Variants in SPTB observed in about 807,000 individuals in gnomAD.
The protein encoded by SPTB is spectrin beta, erythrocytic, also known as spectrin beta chain, erythrocytic.
Under a neutral mutation model 256.2 loss-of-function variants are expected in SPTB, and 45 were observed. That is an observed-to-expected ratio of 0.18 (90% CI 0.14 to 0.23). The LOEUF (loss-of-function observed/expected upper bound fraction) is 0.23, where lower values mean the gene tolerates loss of function less well. Ranked by LOEUF, SPTB falls within the 10% of genes least tolerant of loss-of-function variation. The pLI, the probability that SPTB is intolerant of heterozygous loss-of-function variation, is 1.00. For synonymous variants in SPTB, 1,231 were observed against 1,243.1 expected, an observed-to-expected ratio of 0.99 and a Z score of 0.21; for missense variants, 2,715 against 3,040.4, an observed-to-expected ratio of 0.89 and a Z score of 2.52.
chr14:64,793,517 C>T lies in SPTB; in HGVS notation c.2146G>A (p.Ala716Thr). 1.2e-6 allele frequency: 2 copies of T among 1,614,172 alleles called. No homozygotes were observed. Among genetic ancestry groups the T allele is most frequent in the Non-Finnish European group, 1.7e-6 (2 of 1,180,050 alleles). Residue 716 changes from alanine to threonine, a missense_variant, in exon 14 of 36, where the codon GCC becomes ACC. Transcript: ENST00000644917. This position sits in a 1 kb window ranked among gnomAD's most constrained non-coding sequence, Gnocchi z 7.0. ...TGTGCCGACACCTCCTTTATGCGGGCCTCGATCTGCGGGTGCCCAAACTGC... is the reference window on the plus strand; with the variant it reads ...TGTGCCGACACCTCCTTTATGCGGGTCTCGATCTGCGGGTGCCCAAACTGC... ...RKQFGHPQIEARIKEVSAQWD... is the reference protein window; with the variant it reads ...RKQFGHPQIETRIKEVSAQWD...
intron 1 of SPTB, among the ~76,000 whole-genome samples, chr14:64,838,021 T>C (rs902246990): frequency 6.6e-6 from 1 of 152,188 alleles, no homozygotes; most frequent in Non-Finnish European, 1.5e-5. Context: ...ATTTCAAGAC[T>C]TACCACAAAG....
chr14:64,828,528 A>T (rs756065097), intron 1 of SPTB, among the ~76,000 whole-genome samples: 2 of 152,206 alleles, frequency 1.3e-5, no homozygotes, highest in Non-Finnish European at 2.9e-5. Flanking sequence ...TACAAAAGTA[A>T]TTGTGGGTTT....
In SPTB at chr14:64,792,753, T is replaced by C. The variant is rs561056828; in HGVS notation, c.2666+244A>G. On this transcript the variant is annotated intron_variant, in intron 14 of 35. Coordinates refer to ENST00000644917, the MANE Select transcript of SPTB (RefSeq NM_001355436.2). This position sits in a 1 kb window ranked among gnomAD's most constrained non-coding sequence, Gnocchi z 4.2. ...AAAGACTGCTATTGCTGAAAAGTAA[T>C]TGAATAACTGGACTAGATAAATTCC... is the stretch of plus-strand genomic sequence containing the variant. Among the ~76,000 whole-genome samples, 4 of 152,282 alleles carry C rather than the reference T, an allele frequency of 2.6e-5. No individual in the cohort carries two copies. Among genetic ancestry groups the C allele is most frequent in the East Asian group, 1.9e-4 (1 of 5,182 alleles).
Position 64,830,684 on chromosome 14 carries a change from G to A in SPTB, c.-51-7539C>T, listed in dbSNP as rs150754604. ...CTTCCCACTTGGTCCATCTCTGTCCGTGCTCAGCCCCTTCACAGTCCCTCC... is the reference window on the plus strand; with the variant it reads ...CTTCCCACTTGGTCCATCTCTGTCCATGCTCAGCCCCTTCACAGTCCCTCC... On this transcript the variant is annotated intron_variant, in intron 1 of 35. Coordinates refer to ENST00000644917, the MANE Select transcript of SPTB (RefSeq NM_001355436.2). Among the ~76,000 whole-genome samples, 528 of 151,994 alleles carry A rather than the reference G, an allele frequency of 3.5e-3. 3 individuals are homozygous for A. Among genetic ancestry groups the A allele is most frequent in the African/African-American group, 0.011 (475 of 41,412 alleles).
intron 1 of SPTB, among the ~76,000 whole-genome samples, chr14:64,859,708 CTCTCTCTCTCTCTATATA>C (rs903809627): frequency 1.1e-4 from 3 of 28,522 alleles, no homozygotes; most frequent in Non-Finnish European, 7.5e-4. Flanking sequence ...CTCTCTCTCT[CTCTCTCTCTCTCTATATA>C]TATATATATA....
At chr14:64,771,466 A>T (rs1323964078) in intron 26 of SPTB, among the ~76,000 whole-genome samples, 1 of 152,158 alleles carries the variant, frequency 6.6e-6, no homozygotes, top group African/African-American at 2.4e-5. Flanking sequence ...CTTTCCAACA[A>T]ACCCAGGAAG....
At chr14:64,860,384 G>C (rs1230447048) in intron 1 of SPTB, among the ~76,000 whole-genome samples, 3 of 152,226 alleles carry the variant, frequency 2.0e-5, no homozygotes. Flanking sequence ...AGAGGCACAG[G>C]AGGAGTCCCA....
At chr14:64,766,895 G>C in intron 31 of SPTB, 94 bp from the exon 32 acceptor site, 1 of 1,490,746 alleles carries the variant, frequency 6.7e-7, no homozygotes, top group South Asian at 1.1e-5. Context: ...CCACAGGGAG[G>C]AGCACCAAAT....
chr14:64,821,131 C>A (rs2083279326), intron 2 of SPTB, among the ~76,000 whole-genome samples: 1 of 152,192 alleles, frequency 6.6e-6, no homozygotes, highest in African/African-American at 2.4e-5. Context: ...GCTGCCTCCT[C>A]CATGAACTGT....
chr14:64,760,296 G>A lies in SPTB; in HGVS notation c.6345+6430C>T, dbSNP rs2082074474. The stretch of plus-strand genomic sequence containing the variant: ...ATGTGCACAACAGGCCAGGGACATG[G>A]CCAGGTGGGTAAATGTCTTCTCCGG... On this transcript the variant is annotated intron_variant, in intron 32 of 35. Coordinates refer to ENST00000644917, the MANE Select transcript of SPTB (RefSeq NM_001355436.2). This position sits in a 1 kb window ranked among gnomAD's most constrained non-coding sequence, Gnocchi z 4.3. 2.0e-5 allele frequency among the ~76,000 whole-genome samples: 3 copies of A among 152,232 alleles called. No homozygotes were observed. Among genetic ancestry groups the A allele is most frequent in the Non-Finnish European group, 4.4e-5 (3 of 68,016 alleles).
intron 1 of SPTB, among the ~76,000 whole-genome samples, chr14:64,832,122 A>T (rs2083461342): frequency 6.6e-6 from 1 of 152,140 alleles, no homozygotes; most frequent in Admixed American, 6.5e-5. Flanking sequence ...ACATAGATAC[A>T]GTGTACTTAT....
Position 64,766,772 on chromosome 14 carries a change from CCTG to C in SPTB, c.6296_6298del (p.Ala2099del). The C allele has an allele frequency of 6.2e-7, 1 of 1,612,702 alleles. No homozygotes were observed. The highest frequency in any genetic ancestry group is 1.1e-5 in the South Asian group (1 of 91,074). On this transcript the variant is annotated inframe_deletion, in exon 32 of 36. Coordinates refer to ENST00000644917, the MANE Select transcript of SPTB (RefSeq NM_001355436.2). ...CGCATGGTGGGAAACTGGAGCCTCCCCTGCTGTCTCGCCTTCCTCCTCTTGAGG... is the reference window on the plus strand; with the variant it reads ...CGCATGGTGGGAAACTGGAGCCTCCCCTGTCTCGCCTTCCTCCTCTTGAGG...
At chr14:64,771,724 A>G (rs2082281904) in intron 26 of SPTB, among the ~76,000 whole-genome samples, 2 of 152,118 alleles carry the variant, frequency 1.3e-5, no homozygotes, top group African/African-American at 2.4e-5. Context: ...GGCTACACCT[A>G]TCTCAGGGGC....
At chr14:64,878,178 G>A (rs1882919345) in intron 1 of SPTB, among the ~76,000 whole-genome samples, 1 of 152,142 alleles carries the variant, frequency 6.6e-6, no homozygotes, top group South Asian at 2.1e-4. Context: ...TTTCATGAGC[G>A]TTTATGTCTT....
rs1566731898 is a variant in SPTB at position 64,751,946 on chromosome 14, T to TAAAAAAAAAAAAAAAAA, written c.6602+1590_6602+1591insTTTTTTTTTTTTTTTTT. Among the ~76,000 whole-genome samples, 97 of 90,454 alleles carry TAAAAAAAAAAAAAAAAA rather than the reference T, an allele frequency of 1.1e-3. 4 individuals carry two copies. Among genetic ancestry groups the TAAAAAAAAAAAAAAAAA allele is most frequent in the African/African-American group, 2.2e-3 (49 of 22,734 alleles). The allele number at this position is 90,454 out of a possible 152,430, so 59.3% of individuals were successfully genotyped here. On this transcript the variant is annotated intron_variant, in intron 33 of 35. Transcript: ENST00000644917. ...AAAATGCAAAAAAAAAAAAAAAAATTAGCCAGGCGTGGTGGCACGTGCCTG... is the reference window on the plus strand; with the variant it reads ...AAAATGCAAAAAAAAAAAAAAAAATTAAAAAAAAAAAAAAAAAAGCCAGGCGTGGTGGCACGTGCCTG...
At chr14:64,801,935 G>A (rs1272617351) in intron 5 of SPTB, 101 bp from the exon 6 acceptor site, 7 of 1,220,294 alleles carry the variant, frequency 5.7e-6, no homozygotes, top group Non-Finnish European at 7.2e-6. Flanking sequence ...AAATGGAACT[G>A]TCCTTTCTTG....
chr14:64,861,547 C>G (rs1247187124), intron 1 of SPTB, among the ~76,000 whole-genome samples: 1 of 152,162 alleles, frequency 6.6e-6, no homozygotes, highest in Non-Finnish European at 1.5e-5. Flanking sequence ...CCAGAGATTT[C>G]CAGCATCTAC....
chr14:64,751,357 C>T (rs1052180730), intron 33 of SPTB, among the ~76,000 whole-genome samples: 8 of 152,024 alleles, frequency 5.3e-5, no homozygotes, highest in Non-Finnish European at 1.0e-4. Context: ...TGACCTCAGG[C>T]GATCCACCCA....
Position 64,778,476 on chromosome 14 carries a change from A to G in SPTB, c.4563+681T>C, listed in dbSNP as rs1210410878. 6.6e-6 allele frequency among the ~76,000 whole-genome samples: 1 copy of G among 152,156 alleles called. No homozygotes were observed. Among genetic ancestry groups the G allele is most frequent in the African/African-American group, 2.4e-5 (1 of 41,442 alleles). On this transcript the variant is annotated intron_variant, in intron 22 of 35. Coordinates refer to ENST00000644917, the MANE Select transcript of SPTB (RefSeq NM_001355436.2). This position sits in a 1 kb window ranked among gnomAD's most constrained non-coding sequence, Gnocchi z 5.2. ...CCATTCCCCTGGCCGCTGCGACCCC[A>G]CACAGCCAGCTTCCTTACATGATTC...
Sources: allele counts gnomAD v4.1 joint callset (sites outside exome capture counted in the v4.1 genomes callset), GRCh38; gene constraint gnomAD v4.1.1; non-coding constraint Gnocchi (gnomAD v3.1); transcripts MANE v1.5; gene names NCBI Gene and HGNC (gene_info 2026-07-23, HGNC 2026-07-21).